Variants in TNR observed in about 807,000 individuals in gnomAD.
The protein encoded by TNR is tenascin R.
In TNR, 45 loss-of-function variants were observed where a neutral mutation model predicts 150.4. The ratio of observed to expected loss-of-function variants is 0.30; its 90% confidence interval spans 0.24 to 0.38. TNR has a LOEUF of 0.38. Ranked by LOEUF, TNR falls within the 10% of genes least tolerant of loss-of-function variation. The pLI, the probability that TNR is intolerant of heterozygous loss-of-function variation, is 1.00. For synonymous variants in TNR, 687 were observed against 678.4 expected (o/e 1.01, Z -0.20); for missense variants, 1,544 against 1,759.1 (o/e 0.88, Z 2.19).
Position 175,586,409 on chromosome 1 carries a change from T to C in TNR, c.-164-58040A>G, listed in dbSNP as rs187184625. Reference sequence around the variant, plus strand: ...TCCGCCTCCCAGGTTCAAGCGATTCTCCTGCCTCAGTTTCCTGAGTAGCTG... The same window carrying C: ...TCCGCCTCCCAGGTTCAAGCGATTCCCCTGCCTCAGTTTCCTGAGTAGCTG... On this transcript the variant is annotated intron_variant, in intron 1 of 22. Coordinates refer to ENST00000367674, the MANE Select transcript of TNR (RefSeq NM_003285.3). Among the ~76,000 whole-genome samples the C allele has an allele frequency of 5.3e-5, 8 of 152,320 alleles. No individual in the cohort carries two copies. In the East Asian group the frequency reaches 1.5e-3, roughly 29 times the overall value.
At chr1:175,658,024 C>T (rs1049777131) in intron 1 of TNR, among the ~76,000 whole-genome samples, 1 of 151,632 alleles carries the variant, frequency 6.6e-6, no homozygotes, top group Admixed American at 6.6e-5. Flanking sequence ...CCCAGCAGTG[C>T]TGCAGACTTC....
intron 7 of TNR, among the ~76,000 whole-genome samples, chr1:175,389,548 G>A (rs1030704453): frequency 4.6e-4 from 70 of 152,254 alleles, no homozygotes; most frequent in African/African-American, 1.5e-3. Context: ...GTCCAATTAC[G>A]TTTCTACATG....
chr1:175,742,580 CA>C (rs1667961768), intron 1 of TNR, among the ~76,000 whole-genome samples: 1 of 152,180 alleles, frequency 6.6e-6, no homozygotes, highest in Non-Finnish European at 1.5e-5. Flanking sequence ...CTCAACCCCC[CA>C]AAGCCGCCCC....
intron 1 of TNR, among the ~76,000 whole-genome samples, chr1:175,606,457 G>A (rs544656290): frequency 2.0e-4 from 30 of 152,282 alleles, no homozygotes; most frequent in African/African-American, 5.1e-4. Context: ...AGAACTAGAC[G>A]TAAATTAAGG....
At chr1:175,626,170 G>A (rs1664149622) in intron 1 of TNR, among the ~76,000 whole-genome samples, 2 of 152,186 alleles carry the variant, frequency 1.3e-5, no homozygotes, top group East Asian at 1.9e-4. Context: ...GGAACTGTAA[G>A]TCCAATTAAA....
intron 2 of TNR, among the ~76,000 whole-genome samples, chr1:175,463,644 T>C (rs1656911247): frequency 1.3e-5 from 2 of 152,214 alleles, no homozygotes; most frequent in African/African-American, 2.4e-5. Context: ...AAATGTTCCC[T>C]AAAGCTGCTT....
chr1:175,481,572 G>A (rs1374081342), intron 2 of TNR, among the ~76,000 whole-genome samples: 1 of 152,150 alleles, frequency 6.6e-6, no homozygotes, highest in African/African-American at 2.4e-5. Context: ...CAACACAGTA[G>A]AATGAGACAC....
intron 1 of TNR, among the ~76,000 whole-genome samples, chr1:175,623,509 C>A (rs1468150490): frequency 6.6e-6 from 1 of 152,118 alleles, no homozygotes; most frequent in Non-Finnish European, 1.5e-5. Context: ...TGACCTGGTC[C>A]CTCCTTCTTT....
Position 175,406,744 on chromosome 1 carries a change from C to T in TNR, c.-30G>A, listed in dbSNP as rs1422334097. 6.2e-7 allele frequency: 1 copy of T among 1,605,098 alleles called. No individual in the cohort carries two copies. Among genetic ancestry groups the T allele is most frequent in the East Asian group, 2.2e-5 (1 of 44,830 alleles). ...TCAGCCAGAGATCTGGGTTCAGGACCAGCCTGCAGCACACAGCATGGAGTT... is the reference window on the plus strand; with the variant it reads ...TCAGCCAGAGATCTGGGTTCAGGACTAGCCTGCAGCACACAGCATGGAGTT... On this transcript the variant is annotated 5_prime_UTR_variant, in exon 3 of 23. The change creates a premature stop within an existing upstream ORF in the 5' untranslated region. Coordinates refer to ENST00000367674, the MANE Select transcript of TNR (RefSeq NM_003285.3).
Position 175,449,297 on chromosome 1 carries a change from CACAGATGCATGTGTGTGCATGCACAT to C in TNR, c.-63-42546_-63-42521del, listed in dbSNP as rs552473657. 2.6e-3 allele frequency among the ~76,000 whole-genome samples: 399 copies of C among 152,362 alleles called. 2 individuals carry two copies. Among genetic ancestry groups the C allele is most frequent in the Middle Eastern group, 0.02 (6 of 294 alleles). ...AAACACATATGCATGCATGTGCACA[CACAGATGCATGTGTGTGCATGCACAT>C]ACAAACAAACACACACTTGCCCACA... is the stretch of plus-strand genomic sequence containing the variant. On this transcript the variant is annotated intron_variant, in intron 2 of 22. Transcript: ENST00000367674.
intron 2 of TNR, among the ~76,000 whole-genome samples, chr1:175,480,370 G>A (rs1193151848): frequency 1.7e-5 from 2 of 115,200 alleles, no homozygotes; most frequent in African/African-American, 7.3e-5. Flanking sequence ...AAGAGGGAGA[G>A]AGAAAAAAGG....
intron 1 of TNR, among the ~76,000 whole-genome samples, chr1:175,535,024 C>A (rs2102182991): frequency 6.6e-6 from 1 of 152,318 alleles, no homozygotes; most frequent in South Asian, 2.1e-4. Context: ...GTTTCCTGAT[C>A]TGTGGAACTG....
In TNR at chr1:175,366,016, T is replaced by G; in HGVS notation, c.2176A>C (p.Ile726Leu). The change falls in exon 11 of 23, where the codon ATT (isoleucine) becomes CTT (leucine). Residue 726 changes from isoleucine to leucine, a missense_variant. Physicochemically the swap from Ile to Leu is conservative, Grantham distance 5. Around this residue, in one of 2 missense-constraint regions of TNR, gnomAD observed 1,254 missense variants for 1,329.4 expected, o/e 0.94. Coordinates refer to ENST00000367674, the MANE Select transcript of TNR (RefSeq NM_003285.3). Reference sequence around the variant, plus strand: ...TTGGGTACGGTGACTTCTGAGGCAATCCCAGAGGATGGGGTAAAGGTAATT... The same window carrying G: ...TTGGGTACGGTGACTTCTGAGGCAAGCCCAGAGGATGGGGTAAAGGTAATT... ...YRITFTPSSGIASEVTVPKDR... is the reference protein window; with the variant it reads ...YRITFTPSSGLASEVTVPKDR... 6.2e-7 allele frequency: 1 copy of G among 1,614,112 alleles called. No individual in the cohort carries two copies.
At chr1:175,598,075 T>G (rs903692377) in intron 1 of TNR, among the ~76,000 whole-genome samples, 1 of 152,184 alleles carries the variant, frequency 6.6e-6, no homozygotes, top group Non-Finnish European at 1.5e-5. Context: ...CAGGGCATGT[T>G]CCTGAGGATG....
chr1:175,552,607 A>G (rs950709411), intron 1 of TNR, among the ~76,000 whole-genome samples: 2 of 152,212 alleles, frequency 1.3e-5, no homozygotes, highest in Non-Finnish European at 2.9e-5. Flanking sequence ...GGCTGACTGA[A>G]GCCATCTATG....
At chr1:175,464,789 T>C (rs981647778) in intron 2 of TNR, among the ~76,000 whole-genome samples, 5 of 152,202 alleles carry the variant, frequency 3.3e-5, no homozygotes, top group Non-Finnish European at 5.9e-5. Flanking sequence ...CTGCCTCCAG[T>C]CCCAGTCATT....
At chr1:175,694,920 A>G (rs1366221073) in intron 1 of TNR, among the ~76,000 whole-genome samples, 8 of 152,358 alleles carry the variant, frequency 5.3e-5, no homozygotes. Context: ...TAAGCCACTC[A>G]GTCTGTAGAA....
chr1:175,401,794 C>A (rs1311377482), intron 4 of TNR, among the ~76,000 whole-genome samples: 2 of 152,148 alleles, frequency 1.3e-5, no homozygotes, highest in Non-Finnish European at 2.9e-5. Flanking sequence ...GACTTATCAG[C>A]AAATTCCTAA....
intron 4 of TNR, among the ~76,000 whole-genome samples, chr1:175,402,652 A>G (rs907438981): frequency 1.3e-5 from 2 of 152,218 alleles, no homozygotes; most frequent in African/African-American, 4.8e-5. Context: ...GTAAGCTCCA[A>G]GATAATCAGA....
Sources: gnomAD v4.1 joint callset for allele counts (sites outside exome capture counted in the v4.1 genomes callset) on GRCh38, gnomAD v4.1.1 for gene constraint, gnomAD v4.1.1 regional missense constraint, MANE v1.5 for transcripts, NCBI Gene and HGNC (gene_info 2026-07-23, HGNC 2026-07-21) for gene names.